Variants in ZNF827 observed in about 807,000 individuals in gnomAD.
ZNF827 encodes zinc finger protein 827.
A neutral mutation model predicts 102.4 loss-of-function variants in ZNF827; 13 were observed. That is an observed-to-expected ratio of 0.13 (90% CI 0.08 to 0.20). ZNF827 has a LOEUF of 0.20. Among genes scored for constraint, ZNF827 ranks in the 10% least tolerant of loss-of-function variants. ZNF827 has a pLI of 1.00. For synonymous variants in ZNF827, 523 were observed against 536.2 expected (o/e 0.98, Z 0.34); for missense variants, 1,103 against 1,344.4 (o/e 0.82, Z 2.81).
At chr4:145,853,034 AG>A (rs1746691396) in intron 5 of ZNF827, among the ~76,000 whole-genome samples, 1 of 152,212 alleles carries the variant, frequency 6.6e-6, no homozygotes, top group African/African-American at 2.4e-5. Context: ...ACGGCTCTAA[AG>A]TTTTTGCCGC....
intron 8 of ZNF827, among the ~76,000 whole-genome samples, chr4:145,818,627 A>T (rs925415819): frequency 2.6e-5 from 4 of 152,250 alleles, no homozygotes; most frequent in African/African-American, 7.2e-5. Context: ...GACTGAAGAA[A>T]ATAGTTTGCT....
chr4:145,776,313 TAGTC>T (rs1159150652), intron 9 of ZNF827, among the ~76,000 whole-genome samples: 8 of 151,862 alleles, frequency 5.3e-5, no homozygotes, highest in African/African-American at 1.5e-4. Context: ...TTTAAAAAAT[TAGTC>T]AGGTGTGGTG....
intron 8 of ZNF827, among the ~76,000 whole-genome samples, chr4:145,814,899 C>A (rs1384535468): frequency 6.6e-6 from 1 of 152,084 alleles, no homozygotes; most frequent in African/African-American, 2.4e-5. Context: ...TGAGATCGTG[C>A]CACTGCACTC....
At chr4:145,852,966 C>G (rs931417527) in intron 5 of ZNF827, among the ~76,000 whole-genome samples, 1 of 152,220 alleles carries the variant, frequency 6.6e-6, no homozygotes, top group South Asian at 2.1e-4. Context: ...AACATGACTG[C>G]AGATGTTGCC....
At chr4:145,838,923 A>G (rs959372066) in intron 7 of ZNF827, among the ~76,000 whole-genome samples, 1 of 152,222 alleles carries the variant, frequency 6.6e-6, no homozygotes, top group South Asian at 2.1e-4. Flanking sequence ...CGGTCTTTTA[A>G]AGAGAAAGCT....
chr4:145,882,918 G>C (rs1749794553), intron 4 of ZNF827, among the ~76,000 whole-genome samples: 1 of 152,168 alleles, frequency 6.6e-6, no homozygotes, highest in Non-Finnish European at 1.5e-5. Flanking sequence ...TTTGATGATG[G>C]GAAGAGCTAG....
chr4:145,836,484 T>C (rs563236748), intron 7 of ZNF827, among the ~76,000 whole-genome samples: 1 of 152,322 alleles, frequency 6.6e-6, no homozygotes, highest in Non-Finnish European at 1.5e-5. Flanking sequence ...ACTTCCAAAA[T>C]GTATTGTCTT....
At chr4:145,803,159 G>A (rs1507926) in intron 8 of ZNF827, among the ~76,000 whole-genome samples, 53,383 of 151,728 alleles carry the variant, frequency 0.35, 10,734 homozygotes, top group Non-Finnish European at 0.46. Flanking sequence ...ACACACATAT[G>A]CATACACACA....
intron 11 of ZNF827, among the ~76,000 whole-genome samples, chr4:145,769,737 A>G (rs968564831): frequency 2.0e-5 from 3 of 152,158 alleles, no homozygotes; most frequent in African/African-American, 7.2e-5. Context: ...TCAGCATCAC[A>G]AAGATCTTGG....
chr4:145,795,744 G>A (rs548574271), intron 8 of ZNF827, among the ~76,000 whole-genome samples: 1 of 152,300 alleles, frequency 6.6e-6, no homozygotes, highest in East Asian at 1.9e-4. Context: ...TTAGATTCAC[G>A]TGTGTGAGGT....
Position 145,902,369 on chromosome 4 carries a change from C to T in ZNF827, c.890G>A (p.Arg297Lys), listed in dbSNP as rs1286458613. The T allele has an allele frequency of 4.3e-6, 7 of 1,611,912 alleles. No homozygotes were observed. The highest frequency in any genetic ancestry group is 1.1e-5 in the South Asian group (1 of 90,980). Residue 297 changes from arginine (R) to lysine (K), a missense_variant, in exon 2 of 15, where the codon AGG (arginine) becomes AAG (lysine). Around this residue, in one of 5 missense-constraint regions of ZNF827, gnomAD observed 441 missense variants for 458.6 expected, o/e 0.96. Coordinates refer to ENST00000508784, the MANE Select transcript of ZNF827 (RefSeq NM_001306215.2). This position sits in a 1 kb window ranked among gnomAD's most constrained non-coding sequence, Gnocchi z 4.3. ...CTCAGCCAGAAGACTGCCCGCAGCC[C>T]TTGCGGCCACCTCCTTCAGAAGGGC... ...SAALLKEVAARAAGSLLAEKS... is the reference protein window; with the variant it reads ...SAALLKEVAAKAAGSLLAEKS...
At chr4:145,786,401 A>G (rs1279142814) in intron 8 of ZNF827, among the ~76,000 whole-genome samples, 1 of 152,252 alleles carries the variant, frequency 6.6e-6, no homozygotes, top group East Asian at 1.9e-4. Flanking sequence ...TATGACCTCA[A>G]TGCATAAATA....
At chr4:145,807,846 T>C (rs1334157984) in intron 8 of ZNF827, among the ~76,000 whole-genome samples, 1 of 151,266 alleles carries the variant, frequency 6.6e-6, no homozygotes, top group Non-Finnish European at 1.5e-5. Flanking sequence ...ATGAAAGGCA[T>C]GGCAAGTCTT....
chr4:145,833,396 T>A (rs1744456571), intron 7 of ZNF827, among the ~76,000 whole-genome samples: 2 of 152,180 alleles, frequency 1.3e-5, no homozygotes, highest in Admixed American at 6.5e-5. Flanking sequence ...GCCTCTCTGA[T>A]TATTCACCCA....
Position 145,902,128 on chromosome 4 carries a change from A to C in ZNF827, c.1093+38T>G. On this transcript the variant is annotated intron_variant, in intron 2 of 14. Transcript: ENST00000508784. The surrounding 1 kb of genome is among the most constrained non-coding windows in gnomAD (Gnocchi z 4.3). The stretch of plus-strand genomic sequence containing the variant: ...ATAAGACATCGCAGTTTATAGTCTA[A>C]AGGACTTACACGATGATTGAAAGAA... The C allele has an allele frequency of 6.5e-7, 1 of 1,546,872 alleles. No homozygotes were observed. The highest frequency in any genetic ancestry group is 8.7e-7 in the Non-Finnish European group (1 of 1,152,206).
chr4:145,906,951 A>G, intron 1 of ZNF827: 3 of 422,688 alleles, frequency 7.1e-6, no homozygotes, highest in South Asian at 5.2e-5. Flanking sequence ...CTGCTACTGA[A>G]ATTGAGGTTA....
intron 6 of ZNF827, among the ~76,000 whole-genome samples, chr4:145,847,575 G>C (rs1746112917): frequency 6.6e-6 from 1 of 152,100 alleles, no homozygotes; most frequent in Non-Finnish European, 1.5e-5. Context: ...CCTTACTGTG[G>C]CTTGAGGTCT....
rs562892173 is a variant in ZNF827, at chr4:145,777,211, G to A, written c.2522-1251C>T. On this transcript the variant is annotated intron_variant, in intron 9 of 14. Coordinates refer to ENST00000508784, the MANE Select transcript of ZNF827 (RefSeq NM_001306215.2). ...GCAGGGTCAGGGGAGGAGCCCCACT[G>A]TCCAGATAAAATGTGTCCTTTCTTT... Among the ~76,000 whole-genome samples, 137 of 152,328 alleles carry A rather than the reference G, an allele frequency of 9.0e-4. 2 individuals carry two copies. Among genetic ancestry groups the A allele is most frequent in the African/African-American group, 3.1e-3 (127 of 41,586 alleles).
intron 1 of ZNF827, among the ~76,000 whole-genome samples, chr4:145,907,595 TG>T (rs879273700): frequency 6.6e-6 from 1 of 152,234 alleles, no homozygotes; most frequent in African/African-American, 2.4e-5. Context: ...GCCAAGGTCC[TG>T]GAAGTGCTTC....
Sources: gnomAD v4.1 joint callset for allele counts (sites outside exome capture counted in the v4.1 genomes callset) on GRCh38, gnomAD v4.1.1 for gene constraint, gnomAD v4.1.1 regional missense constraint, Gnocchi (gnomAD v3.1) non-coding constraint, MANE v1.5 for transcripts, NCBI Gene and HGNC (gene_info 2026-07-23, HGNC 2026-07-21) for gene names.